TMEM45A: variants seen among roughly 807,000 people sequenced by gnomAD.
TMEM45A encodes transmembrane protein 45A, also known as DNA polymerase-transactivated protein 4.
In TMEM45A, 25 loss-of-function variants were observed where a neutral mutation model predicts 32.0. The ratio of observed to expected loss-of-function variants is 0.78; its 90% confidence interval spans 0.57 to 1.09. The LOEUF (loss-of-function observed/expected upper bound fraction) is 1.09, where lower values mean the gene tolerates loss of function less well. Among genes scored for constraint, TMEM45A ranks in the 50% least tolerant of loss-of-function variants. The pLI, the probability that TMEM45A is intolerant of heterozygous loss-of-function variation, is 0.00. For synonymous variants in TMEM45A, 122 were observed against 114.8 expected (o/e 1.06, Z -0.40); for missense variants, 302 against 325.0 (o/e 0.93, Z 0.54).
intron 4 of TMEM45A, among the ~76,000 whole-genome samples, chr3:100,560,464 C>T (rs1022340185): frequency 2.0e-5 from 3 of 152,164 alleles, no homozygotes; most frequent in African/African-American, 7.2e-5. Context: ...CCATGTGCTT[C>T]TCTCTTTAAT....
chr3:100,508,456 A>G (rs1708109244), intron 1 of TMEM45A, among the ~76,000 whole-genome samples: 1 of 152,210 alleles, frequency 6.6e-6, no homozygotes, highest in African/African-American at 2.4e-5. Context: ...AATAGAAAAC[A>G]CAATGCTAAA....
intron 1 of TMEM45A, among the ~76,000 whole-genome samples, chr3:100,541,524 C>CTTTTTTTTTTTTTTTTTTTTTT (rs61341173): frequency 9.0e-6 from 1 of 111,268 alleles, no homozygotes; most frequent in Non-Finnish European, 1.8e-5. Flanking sequence ...CTTTTCTTTC[C>CTTTTTTTTTTTTTTTTTTTTTT]TTTTTTTTTT....
At chr3:100,552,294 G>C (rs1280831770) in intron 1 of TMEM45A, among the ~76,000 whole-genome samples, 2 of 152,026 alleles carry the variant, frequency 1.3e-5, no homozygotes, top group Non-Finnish European at 2.9e-5. Context: ...TTCATAATAT[G>C]GTAATGGTCA....
chr3:100,546,728 T>C (rs1705986358), intron 1 of TMEM45A, among the ~76,000 whole-genome samples: 1 of 152,228 alleles, frequency 6.6e-6, no homozygotes, highest in South Asian at 2.1e-4. Flanking sequence ...CAGAAGGAGA[T>C]GCCTTTTTCC....
chr3:100,556,478 A>G (rs920374074), intron 2 of TMEM45A, among the ~76,000 whole-genome samples: 4 of 152,230 alleles, frequency 2.6e-5, no homozygotes, highest in African/African-American at 9.6e-5. Flanking sequence ...CAGTCATTAG[A>G]TTGGAATAGG....
At chr3:100,572,898 A>G (rs1334208945) in intron 5 of TMEM45A, 1 of 150,572 alleles carries the variant, frequency 6.6e-6, no homozygotes, top group Non-Finnish European at 1.5e-5. Context: ...TTTGTCAAAG[A>G]TCAGATAGTT....
intron 1 of TMEM45A, among the ~76,000 whole-genome samples, chr3:100,552,395 G>C (rs564557850): frequency 3.3e-5 from 5 of 152,148 alleles, no homozygotes; most frequent in African/African-American, 1.2e-4. Flanking sequence ...GGGTGTAATA[G>C]GGACCCTCCC....
At chr3:100,575,425 T>G (rs1706663496) in intron 5 of TMEM45A, among the ~76,000 whole-genome samples, 1 of 132,638 alleles carries the variant, frequency 7.5e-6, no homozygotes. Context: ...CAGGCTGGAG[T>G]GCAGTGGCGT....
At position 100,539,509 on chromosome 3, in the gene TMEM45A, G is replaced by A. The variant is rs192840315; in HGVS notation, c.-3-15700G>A. On this transcript the variant is annotated intron_variant, in intron 1 of 5. Coordinates refer to ENST00000323523, the MANE Select transcript of TMEM45A (RefSeq NM_018004.3). ...TGTATATGTATACGTATACGTATAC[G>A]TATACGTATATGTGGGGAACCATTA... 1.2e-4 allele frequency among the ~76,000 whole-genome samples: 17 copies of A among 146,492 alleles called. No homozygotes were observed. The East Asian group carries it at 1.6e-3, about 13-fold the overall frequency.
intron 1 of TMEM45A, among the ~76,000 whole-genome samples, chr3:100,550,803 T>G (rs1706082052): frequency 6.6e-6 from 1 of 152,128 alleles, no homozygotes. Flanking sequence ...AGTGAGTCTG[T>G]GTTTACGCCG....
intron 1 of TMEM45A, among the ~76,000 whole-genome samples, chr3:100,501,477 A>G (rs1279538156): frequency 6.6e-6 from 1 of 152,156 alleles, no homozygotes; most frequent in East Asian, 1.9e-4. Flanking sequence ...GGTGTCCTTC[A>G]TTGCTGATGA....
chr3:100,540,105 A>G (rs1705836665), intron 1 of TMEM45A, among the ~76,000 whole-genome samples: 1 of 152,194 alleles, frequency 6.6e-6, no homozygotes, highest in Non-Finnish European at 1.5e-5. Flanking sequence ...AAAATATAAA[A>G]GTTAGATTTC....
At chr3:100,549,729 A>G (rs967943475) in intron 1 of TMEM45A, among the ~76,000 whole-genome samples, 7 of 152,224 alleles carry the variant, frequency 4.6e-5, no homozygotes, top group Admixed American at 1.3e-4. Flanking sequence ...GTCTAGAGCC[A>G]TTATAAATCC....
intron 1 of TMEM45A, among the ~76,000 whole-genome samples, chr3:100,525,499 A>G (rs1705524998): frequency 6.6e-6 from 1 of 152,252 alleles, no homozygotes; most frequent in Non-Finnish European, 1.5e-5. Flanking sequence ...AAAACAACAA[A>G]TACAAAATTA....
chr3:100,496,321 T>TGAGGA (rs1707926752), intron 1 of TMEM45A, among the ~76,000 whole-genome samples: 1 of 152,234 alleles, frequency 6.6e-6, no homozygotes, highest in Non-Finnish European at 1.5e-5. Flanking sequence ...GATGGTCATG[T>TGAGGA]CCTCCTCACA....
intron 5 of TMEM45A, among the ~76,000 whole-genome samples, chr3:100,570,134 C>T (rs114966012): frequency 0.015 from 2,281 of 152,322 alleles, 46 homozygotes; most frequent in African/African-American, 0.051. Flanking sequence ...AAATGTGGCT[C>T]ATGCCACACT....
chr3:100,519,578 A>G (rs1371846937), intron 1 of TMEM45A: 2 of 1,550,972 alleles, frequency 1.3e-6, no homozygotes, highest in East Asian at 4.9e-5. Context: ...CCAATGACTC[A>G]GAAGGGAAAA....
At chr3:100,506,079 G>A (rs2148930967) in intron 1 of TMEM45A, among the ~76,000 whole-genome samples, 1 of 152,280 alleles carries the variant, frequency 6.6e-6, no homozygotes, top group South Asian at 2.1e-4. Flanking sequence ...CTGGAGACCT[G>A]GGGGCCAAGC....
intron 1 of TMEM45A, among the ~76,000 whole-genome samples, chr3:100,546,936 T>C (rs1027963467): frequency 6.6e-6 from 1 of 152,146 alleles, no homozygotes; most frequent in Non-Finnish European, 1.5e-5. Flanking sequence ...TTTTCTTATA[T>C]CTATGGCAGA....
Sources: allele counts gnomAD v4.1 joint callset (sites outside exome capture counted in the v4.1 genomes callset), GRCh38; gene constraint gnomAD v4.1.1; transcripts MANE v1.5; gene names NCBI Gene and HGNC (gene_info 2026-07-23, HGNC 2026-07-21).